ZNF366: variants seen among roughly 807,000 people sequenced by gnomAD.
ZNF366 encodes the protein zinc finger protein 366.
ZNF366 carries 20 observed loss-of-function variants against 47.2 expected under a neutral mutation model. The ratio of observed to expected loss-of-function variants is 0.42; its 90% CI spans 0.30 to 0.62. ZNF366 has a LOEUF of 0.62. Among genes scored for constraint, ZNF366 ranks in the 20% least tolerant of loss-of-function variants. The pLI is 0.16. For missense variants in ZNF366, 987 were observed against 976.3 expected (o/e 1.01, Z -0.15); for synonymous variants, 421 against 395.1 (o/e 1.07, Z -0.78).
At chr5:72,494,524 A>C (rs1440618987) in intron 1 of ZNF366, among the ~76,000 whole-genome samples, 2 of 152,142 alleles carry the variant, frequency 1.3e-5, no homozygotes, top group African/African-American at 4.8e-5. Flanking sequence ...CCAGTTCTAA[A>C]ATGTGATCTG....
chr5:72,462,216 T>G (rs1022476830), intron 1 of ZNF366, among the ~76,000 whole-genome samples: 1 of 152,232 alleles, frequency 6.6e-6, no homozygotes, highest in African/African-American at 2.4e-5. Context: ...AAAAGCATAT[T>G]GAGTAGCTCA....
intron 1 of ZNF366, among the ~76,000 whole-genome samples, chr5:72,495,510 T>G (rs910566645): frequency 6.6e-6 from 1 of 152,156 alleles, no homozygotes; most frequent in African/African-American, 2.4e-5. Flanking sequence ...CTTTCTAGGC[T>G]GCCGTTTCAC....
chr5:72,453,551 G>A lies in ZNF366; in HGVS notation c.1524+2853C>T, dbSNP rs531610089. Reference sequence around the variant, plus strand: ...ATTTCCAAGAATCTAGCACAGCATAGTTGGGAAGCAAGAACCACAGGACAG... The same window carrying A: ...ATTTCCAAGAATCTAGCACAGCATAATTGGGAAGCAAGAACCACAGGACAG... On this transcript the variant is annotated intron_variant, in intron 3 of 4. Coordinates refer to ENST00000318442, the MANE Select transcript of ZNF366 (RefSeq NM_152625.3). Among the ~76,000 whole-genome samples the A allele has an allele frequency of 7.9e-5, 12 of 152,382 alleles. No individual in the cohort carries two copies. In the East Asian group the frequency reaches 1.9e-3, roughly 24 times the overall value.
At chr5:72,464,214 A>G (rs1743387980) in intron 1 of ZNF366, among the ~76,000 whole-genome samples, 1 of 152,196 alleles carries the variant, frequency 6.6e-6, no homozygotes, top group Admixed American at 6.5e-5. Context: ...TTTCCTGTGT[A>G]TTTTATTATT....
At position 72,478,791 on chromosome 5, in the gene ZNF366, C is replaced by T. The variant is rs187282412; in HGVS notation, c.-14-17281G>A. On this transcript the variant is annotated intron_variant, in intron 1 of 4. Coordinates refer to ENST00000318442, the MANE Select transcript of ZNF366 (RefSeq NM_152625.3). ...GGGAACTGGCCATTGAAAGGGTTTG[C>T]TCACCCCAAGGGGACTTTGTCTACT... Among the ~76,000 whole-genome samples, 951 of 152,294 alleles carry T rather than the reference C, an allele frequency of 6.2e-3. 7 individuals are homozygous for T. The highest frequency in any genetic ancestry group is 9.2e-3 in the Non-Finnish European group (623 of 68,016).
intron 2 of ZNF366, among the ~76,000 whole-genome samples, chr5:72,459,051 C>T (rs1046669245): frequency 1.3e-5 from 2 of 152,192 alleles, no homozygotes; most frequent in Non-Finnish European, 2.9e-5. Context: ...GGCGACTCCC[C>T]TCTGGATAGT....
chr5:72,462,551 T>TTTCTTTCTTTCTTTCTTTC (rs1371593009), intron 1 of ZNF366, among the ~76,000 whole-genome samples: 20 of 16,906 alleles, frequency 1.2e-3, no homozygotes, highest in African/African-American at 7.4e-3. Context: ...TTCTTTCTTT[T>TTTCTTTCTTTCTTTCTTTC]TTTTTTTTTT....
intron 1 of ZNF366, among the ~76,000 whole-genome samples, chr5:72,464,919 G>A (rs1229230871): frequency 6.6e-6 from 1 of 151,990 alleles, no homozygotes; most frequent in Non-Finnish European, 1.5e-5. Flanking sequence ...TTAGCCAGGT[G>A]TAGTGGCGGG....
In ZNF366 at chr5:72,502,643, A is replaced by G. The variant is rs75089830; in HGVS notation, c.-15+4608T>C. ...CTACATCACCATTAAATTAGGGACA[A>G]GGATCTAACTTGTAAAATAGGCTCA... is the stretch of plus-strand genomic sequence containing the variant. On this transcript the variant is annotated intron_variant, in intron 1 of 4. Transcript: ENST00000318442. Among the ~76,000 whole-genome samples, 1,415 of 152,306 alleles carry G rather than the reference A, an allele frequency of 9.3e-3. 18 individuals are homozygous for G. The highest frequency in any genetic ancestry group is 0.051 in the Middle Eastern group (15 of 294).
At chr5:72,487,994 T>G (rs1743925089) in intron 1 of ZNF366, among the ~76,000 whole-genome samples, 2 of 151,960 alleles carry the variant, frequency 1.3e-5, no homozygotes, top group Non-Finnish European at 2.9e-5. Context: ...TCACTTGAGG[T>G]CAGGAGTTCG....
At chr5:72,485,866 C>G (rs1040008411) in intron 1 of ZNF366, among the ~76,000 whole-genome samples, 1 of 152,154 alleles carries the variant, frequency 6.6e-6, no homozygotes, top group African/African-American at 2.4e-5. Flanking sequence ...CTGGCACACA[C>G]CAGGCATTCT....
At chr5:72,454,646 CACT>C (rs1402375358) in intron 3 of ZNF366, among the ~76,000 whole-genome samples, 1 of 152,176 alleles carries the variant, frequency 6.6e-6, no homozygotes, top group Non-Finnish European at 1.5e-5. Flanking sequence ...TTGACTCCAC[CACT>C]ATCAGTTGAT....
chr5:72,505,552 G>T (rs1458262779), intron 1 of ZNF366, among the ~76,000 whole-genome samples: 1 of 152,140 alleles, frequency 6.6e-6, no homozygotes, highest in Non-Finnish European at 1.5e-5. Flanking sequence ...TTTAACAAAT[G>T]ACTCTGCTGT....
In ZNF366 at chr5:72,456,588, T is replaced by C; in HGVS notation, c.1340A>G (p.Lys447Arg). Reference protein sequence around the residue: ...KQHSLTHKGVKEHKCGICGRE... With the variant: ...KQHSLTHKGVREHKCGICGRE... ...CCCACAAATCCCACACTTATGCTCCTTCACACCCTGCAGGGAGGCAAGATT... is the reference window on the plus strand; with the variant it reads ...CCCACAAATCCCACACTTATGCTCCCTCACACCCTGCAGGGAGGCAAGATT... Residue 447 changes from lysine (K) to arginine (R), a missense_variant, in exon 3 of 5, where the codon AAG (lysine) becomes AGG (arginine). Transcript: ENST00000318442. 3.1e-6 allele frequency: 5 copies of C among 1,599,370 alleles called. No individual in the cohort carries two copies. The highest frequency in any genetic ancestry group is 4.3e-6 in the Non-Finnish European group (5 of 1,168,314).
intron 1 of ZNF366, among the ~76,000 whole-genome samples, chr5:72,479,988 G>T (rs1336432509): frequency 2.6e-5 from 4 of 152,174 alleles, no homozygotes; most frequent in African/African-American, 9.7e-5. Context: ...ATGCAAGCAG[G>T]CTCACAAAGT....
intron 1 of ZNF366, among the ~76,000 whole-genome samples, chr5:72,462,099 G>A (rs1408469765): frequency 1.3e-5 from 2 of 152,202 alleles, no homozygotes; most frequent in African/African-American, 4.8e-5. Context: ...AGCCTCATAG[G>A]AGAAGGGATG....
intron 1 of ZNF366, among the ~76,000 whole-genome samples, chr5:72,471,500 T>G (rs1236064741): frequency 6.6e-6 from 1 of 152,150 alleles, no homozygotes; most frequent in Non-Finnish European, 1.5e-5. Context: ...CTGCTGTCTC[T>G]GGGGAAAAGG....
At chr5:72,506,069 T>C (rs1405749771) in intron 1 of ZNF366, among the ~76,000 whole-genome samples, 1 of 152,276 alleles carries the variant, frequency 6.6e-6, no homozygotes, top group Non-Finnish European at 1.5e-5. Flanking sequence ...ATTAATTACT[T>C]GAATGTGGTT....
At chr5:72,502,812 T>G (rs1017431474) in intron 1 of ZNF366, among the ~76,000 whole-genome samples, 1 of 152,166 alleles carries the variant, frequency 6.6e-6, no homozygotes, top group Admixed American at 6.5e-5. Flanking sequence ...GCAAATAATA[T>G]AGAAATGGAT....
Sources: gnomAD v4.1 joint callset for allele counts (sites outside exome capture counted in the v4.1 genomes callset) on GRCh38, gnomAD v4.1.1 for gene constraint, MANE v1.5 for transcripts, NCBI Gene and HGNC (gene_info 2026-07-23, HGNC 2026-07-21) for gene names.